CACNA2D1: variants seen among roughly 807,000 people sequenced by gnomAD.
The protein encoded by CACNA2D1 is calcium voltage-gated channel auxiliary subunit alpha2delta 1, also known as voltage-dependent calcium channel subunit alpha-2/delta-1.
A neutral mutation model predicts 171.5 loss-of-function variants in CACNA2D1; 53 were observed. The ratio of observed to expected loss-of-function variants is 0.31; its 90% CI spans 0.25 to 0.39. The LOEUF (loss-of-function observed/expected upper bound fraction) is 0.39. Ranked by LOEUF, CACNA2D1 falls within the 10% of genes least tolerant of loss-of-function variation. CACNA2D1 has a pLI of 1.00. For synonymous variants in CACNA2D1, 442 were observed against 443.1 expected (o/e 1.00, Z 0.03); for missense variants, 903 against 1,299.8 (o/e 0.69, Z 4.69).
chr7:82,141,116 T>A (rs1792332530), intron 4 of CACNA2D1, among the ~76,000 whole-genome samples: 1 of 152,154 alleles, frequency 6.6e-6, no homozygotes, highest in African/African-American at 2.4e-5. Flanking sequence ...CATTTAAAGC[T>A]ATCTTTTTGC....
intron 3 of CACNA2D1, among the ~76,000 whole-genome samples, chr7:82,324,970 T>C (rs1193050394): frequency 6.6e-6 from 1 of 152,200 alleles, no homozygotes; most frequent in Non-Finnish European, 1.5e-5. Flanking sequence ...TTCCTGCTCA[T>C]ACAATGAATA....
chr7:82,344,939 G>T (rs944579346), intron 2 of CACNA2D1, among the ~76,000 whole-genome samples: 1 of 152,072 alleles, frequency 6.6e-6, no homozygotes, highest in Non-Finnish European at 1.5e-5. Flanking sequence ...CAAAACAATT[G>T]TGTAAAGGGA....
At chr7:82,201,470 G>A (rs1799427914) in intron 3 of CACNA2D1, among the ~76,000 whole-genome samples, 1 of 152,058 alleles carries the variant, frequency 6.6e-6, no homozygotes, top group South Asian at 2.1e-4. Flanking sequence ...GGCTCACAAA[G>A]ACCACTTAGC....
intron 3 of CACNA2D1, among the ~76,000 whole-genome samples, chr7:82,324,606 T>C (rs963485925): frequency 6.6e-6 from 1 of 152,062 alleles, no homozygotes; most frequent in Non-Finnish European, 1.5e-5. Context: ...ATAATTATTT[T>C]AGACTTAAAA....
chr7:82,013,454 A>G lies in CACNA2D1; in HGVS notation c.1272+7T>C. 1 of 1,095,986 alleles carries G rather than the reference A, an allele frequency of 9.1e-7. No individual in the cohort carries two copies. The highest frequency in any genetic ancestry group is 1.3e-6 in the Non-Finnish European group (1 of 788,332). The allele number at this position is 1,095,986 out of a possible 1,614,324, so 67.9% of individuals were successfully genotyped here. ...AAATAATTTAAACAAGTTTTAAATA[A>G]TCATACCTGAGTATTGATTCTTATT... On this transcript the variant is annotated splice_region_variant and intron_variant, in intron 14 of 38. Transcript: ENST00000356860.
intron 1 of CACNA2D1, among the ~76,000 whole-genome samples, chr7:82,405,596 T>G (rs1826942183): frequency 6.6e-6 from 1 of 152,112 alleles, no homozygotes; most frequent in Non-Finnish European, 1.5e-5. Context: ...TAGAAGGAGA[T>G]TCCGAGGAAT....
chr7:82,012,793 G>A (rs1382043982), intron 14 of CACNA2D1, among the ~76,000 whole-genome samples: 1 of 152,064 alleles, frequency 6.6e-6, no homozygotes, highest in Non-Finnish European at 1.5e-5. Flanking sequence ...GTCCACAAAT[G>A]CCATGTTATT....
intron 10 of CACNA2D1, among the ~76,000 whole-genome samples, chr7:82,042,823 G>A (rs911263564): frequency 4.6e-5 from 7 of 151,964 alleles, no homozygotes; most frequent in African/African-American, 1.7e-4. Flanking sequence ...GACCTTCCCT[G>A]ACTAGATTAA....
At chr7:82,034,057 C>A (rs1392340626) in intron 11 of CACNA2D1, among the ~76,000 whole-genome samples, 2 of 151,874 alleles carry the variant, frequency 1.3e-5, no homozygotes, top group Non-Finnish European at 2.9e-5. Context: ...CCCAGTCATC[C>A]AAAATATTAA....
intron 4 of CACNA2D1, among the ~76,000 whole-genome samples, chr7:82,154,058 AT>A (rs1794115835): frequency 6.6e-6 from 1 of 152,164 alleles, no homozygotes; most frequent in South Asian, 2.1e-4. Flanking sequence ...GATGAAAAGG[AT>A]AAATGAGATT....
chr7:82,192,460 TTGTG>T (rs200160135), intron 3 of CACNA2D1, among the ~76,000 whole-genome samples: 2,864 of 136,640 alleles, frequency 0.021, 44 homozygotes, highest in African/African-American at 0.034. Flanking sequence ...GTGTTTGTGT[TTGTG>T]TGTGTGTGTG....
chr7:81,983,172 T>G, intron 23 of CACNA2D1, 142 bp downstream of exon 23: 1 of 697,654 alleles, frequency 1.4e-6, no homozygotes. Flanking sequence ...TACCATTTTT[T>G]TGCTGCTAAG....
At chr7:82,375,028 C>G (rs577976505) in intron 1 of CACNA2D1, among the ~76,000 whole-genome samples, 1 of 151,886 alleles carries the variant, frequency 6.6e-6, no homozygotes, top group African/African-American at 2.4e-5. Context: ...GGCACTAATG[C>G]GAAGGAATAT....
intron 3 of CACNA2D1, among the ~76,000 whole-genome samples, chr7:82,264,828 A>G (rs549065020): frequency 6.6e-6 from 1 of 152,284 alleles, no homozygotes; most frequent in East Asian, 1.9e-4. Flanking sequence ...CTCTATATCT[A>G]TCATATTTAC....
At chr7:82,119,089 A>G (rs968732399) in intron 5 of CACNA2D1, among the ~76,000 whole-genome samples, 1 of 152,128 alleles carries the variant, frequency 6.6e-6, no homozygotes, top group African/African-American at 2.4e-5. Flanking sequence ...GCTACTTAAC[A>G]CAGAATGTCT....
At chr7:82,002,512 C>T (rs1273254886) in intron 18 of CACNA2D1, among the ~76,000 whole-genome samples, 2 of 152,222 alleles carry the variant, frequency 1.3e-5, no homozygotes, top group South Asian at 2.1e-4. Flanking sequence ...TGAAGTGATA[C>T]CAAATGTTAT....
At chr7:82,378,588 A>C (rs1177074044) in intron 1 of CACNA2D1, among the ~76,000 whole-genome samples, 2 of 152,130 alleles carry the variant, frequency 1.3e-5, no homozygotes, top group African/African-American at 4.8e-5. Context: ...TGTGCATTAC[A>C]GCTATCTCTA....
chr7:82,227,565 T>C (rs1346185240), intron 3 of CACNA2D1, among the ~76,000 whole-genome samples: 2 of 152,188 alleles, frequency 1.3e-5, no homozygotes, highest in South Asian at 2.1e-4. Flanking sequence ...CCCTAGAATG[T>C]AGAAGGGAAA....
chr7:82,136,237 G>C (rs1168120999), intron 5 of CACNA2D1, among the ~76,000 whole-genome samples: 1 of 152,128 alleles, frequency 6.6e-6, no homozygotes, highest in Non-Finnish European at 1.5e-5. Context: ...TGAAGTAAAT[G>C]GTTCTCCCTG....
Sources: allele counts gnomAD v4.1 joint callset (sites outside exome capture counted in the v4.1 genomes callset), GRCh38; gene constraint gnomAD v4.1.1; transcripts MANE v1.5; gene names NCBI Gene and HGNC (gene_info 2026-07-23, HGNC 2026-07-21).